The following AXL variants were observed in gnomAD, a reference collection of about 807,000 sequenced individuals.
The protein encoded by AXL is tyrosine-protein kinase receptor UFO.
Under a neutral mutation model 104.5 loss-of-function variants are expected in AXL, and 52 were observed. That is an observed-to-expected ratio of 0.50 (90% CI 0.40 to 0.63). The LOEUF is 0.63. AXL is among the 20% of genes least tolerant of loss of function. The probability of loss-of-function intolerance (pLI) is 0.00; values close to 1 mark genes in which losing one functional copy is unlikely to be tolerated. For missense variants in AXL, 1,024 were observed against 1,188.5 expected (o/e 0.86, Z 2.04); for synonymous variants, 455 against 473.7 (o/e 0.96, Z 0.51).
chr19:41,219,514 C>A lies in AXL; in HGVS notation c.85+37C>A, dbSNP rs373052453. ...GGGCTCCTTGGGGCAGGGATCCCCTCGGAGGGGCTGGGGCAGGGGTAGGAG... is the reference window on the plus strand; with the variant it reads ...GGGCTCCTTGGGGCAGGGATCCCCTAGGAGGGGCTGGGGCAGGGGTAGGAG... On this transcript the variant is annotated intron_variant, in intron 1 of 19. Coordinates refer to ENST00000301178, the MANE Select transcript of AXL (RefSeq NM_021913.5). 9.8e-5 allele frequency: 93 copies of A among 946,704 alleles called. 1 individual carries two copies. The highest frequency in any genetic ancestry group is 7.6e-4 in the Admixed American group (27 of 35,388). The allele number at this position is 946,704 out of a possible 1,614,324, so 58.6% of individuals were successfully genotyped here. A position where few individuals can be genotyped will look rare whatever the true frequency, so the allele number is the denominator to read the frequency against.
In AXL at chr19:41,220,812, CT is replaced by C; in HGVS notation, c.263del (p.Leu88ArgfsTer10). 5 of 1,614,090 alleles carry C rather than the reference CT, an allele frequency of 3.1e-6. No individual in the cohort carries two copies. The highest frequency in any genetic ancestry group is 4.2e-6 in the Non-Finnish European group (5 of 1,180,002). On this transcript the variant is annotated frameshift_variant, in exon 2 of 20. Coordinates refer to ENST00000301178, the MANE Select transcript of AXL (RefSeq NM_021913.5). LOFTEE classifies it high-confidence loss of function. ...GGACAGCACCCAGACCCAGGTGCCCCTGGGTGAGGATGAACAGGATGACTGG... is the reference window on the plus strand; with the variant it reads ...GGACAGCACCCAGACCCAGGTGCCCCGGGTGAGGATGAACAGGATGACTGG... ...LADSTQTQVPLGEDEQDDWIV... is the reference protein window; with the variant it reads ...LADSTQTQVPXGEDEQDDWIV...
intron 14 of AXL, among the ~76,000 whole-genome samples, chr19:41,251,204 G>A (rs1170668971): frequency 2.6e-5 from 4 of 152,254 alleles, no homozygotes; most frequent in South Asian, 2.1e-4. Context: ...TTGGGAGGCC[G>A]AGGTGGGAGG....
At position 41,259,993 on chromosome 19, in the gene AXL, G is replaced by A. The variant is rs1303180373; in HGVS notation, c.*89G>A. Reference sequence around the variant, plus strand: ...CCACCTTCCCACTTTCCCACCCCACGCCTTATCCCCACTTGCAGCCCTGTC... The same window carrying A: ...CCACCTTCCCACTTTCCCACCCCACACCTTATCCCCACTTGCAGCCCTGTC... On this transcript the variant is annotated 3_prime_UTR_variant, in exon 20 of 20. Transcript: ENST00000301178. The A allele has an allele frequency of 3.3e-6, 4 of 1,221,898 alleles. No individual in the cohort carries two copies. Among genetic ancestry groups the A allele is most frequent in the Admixed American group, 5.8e-5 (2 of 34,590 alleles). 75.7% of individuals were successfully genotyped at this position (1,221,898 alleles called of 1,614,324 possible).
chr19:41,220,933 C>A, intron 2 of AXL, 75 bp downstream of exon 2: 1 of 1,512,050 alleles, frequency 6.6e-7, no homozygotes. Context: ...GGGTGGGAAC[C>A]CCAGTTTGAC....
At chr19:41,219,515 G>A (rs1183013505) in intron 1 of AXL, 38 bp downstream of exon 1, 13 of 1,572,524 alleles carry the variant, frequency 8.3e-6, no homozygotes, top group African/African-American at 2.7e-5. Context: ...GGATCCCCTC[G>A]GAGGGGCTGG....
Position 41,238,120 on chromosome 19 carries a change from G to C in AXL, c.960G>C (p.Trp320Cys). The change falls in exon 7 of 20, where the codon TGG (tryptophan) becomes TGC (cysteine). Residue 320 changes from tryptophan to cysteine, a missense_variant. By Grantham distance (215) the Trp-to-Cys change is radical (BLOSUM62 -2). Coordinates refer to ENST00000301178, the MANE Select transcript of AXL (RefSeq NM_021913.5). Reference protein sequence around the residue: ...ACTSSQGPSSWTHWLPVETPE... With the variant: ...ACTSSQGPSSCTHWLPVETPE... ...CCAGCAGCCAGGGCCCCTCATCCTG[G>C]ACCCACTGGCTTCCTGTGGAGACGC... 6.2e-7 allele frequency: 1 copy of C among 1,614,050 alleles called. No individual in the cohort carries two copies.
At chr19:41,226,848 C>G (rs1202435598) in intron 4 of AXL, 1 of 961,574 alleles carries the variant, frequency 1.0e-6, no homozygotes, top group Non-Finnish European at 1.2e-6. Context: ...CGATCCAGCA[C>G]TTTGGGAGGC....
chr19:41,238,640 T>A, intron 8 of AXL, 31 bp downstream of exon 8: 1 of 1,585,056 alleles, frequency 6.3e-7, no homozygotes, highest in Non-Finnish European at 8.6e-7. Context: ...TGGAGTGGAG[T>A]GGCTTGGGGA....
intron 4 of AXL, among the ~76,000 whole-genome samples, chr19:41,222,325 T>C (rs1191286973): frequency 6.6e-6 from 1 of 152,172 alleles, no homozygotes; most frequent in Non-Finnish European, 1.5e-5. Context: ...TCTGTCTCTC[T>C]GCTTCTCTCT....
At chr19:41,230,715 G>A (rs2033971028) in intron 4 of AXL, among the ~76,000 whole-genome samples, 1 of 152,010 alleles carries the variant, frequency 6.6e-6, no homozygotes, top group Admixed American at 6.6e-5. Flanking sequence ...GTGTGTGTCT[G>A]TGTGTGTCTG....
intron 14 of AXL, among the ~76,000 whole-genome samples, chr19:41,249,287 T>A (rs918431539): frequency 2.7e-5 from 4 of 149,774 alleles, no homozygotes; most frequent in South Asian, 2.1e-4. Context: ...AAAAAAAAAA[T>A]AATAATAGTA....
intron 17 of AXL, 22 bp from the exon 18 acceptor site, chr19:41,256,430 T>C (rs1042693553): frequency 6.2e-7 from 1 of 1,605,686 alleles, no homozygotes; most frequent in Non-Finnish European, 8.5e-7. Context: ...CCTGACCCTG[T>C]TCCTTTCCCC....
intron 14 of AXL, among the ~76,000 whole-genome samples, chr19:41,249,635 A>G (rs995674896): frequency 4.6e-5 from 7 of 152,050 alleles, no homozygotes; most frequent in African/African-American, 1.7e-4. Context: ...AGGCACCTGT[A>G]ATCCCAGCTA....
intron 12 of AXL, among the ~76,000 whole-genome samples, chr19:41,246,188 C>A (rs200444590): frequency 1.4e-4 from 21 of 152,226 alleles, no homozygotes; most frequent in Non-Finnish European, 2.4e-4. Flanking sequence ...TGGCACATGC[C>A]TGTAATCCCA....
intron 7 of AXL, 46 bp from the exon 8 acceptor site, chr19:41,238,424 C>G: frequency 6.3e-7 from 1 of 1,591,160 alleles, no homozygotes; most frequent in Non-Finnish European, 8.6e-7. Flanking sequence ...GGGAGGGGGT[C>G]AGGAAGAGGT....
At chr19:41,255,976 C>G (rs1400516501) in intron 17 of AXL, among the ~76,000 whole-genome samples, 5 of 152,178 alleles carry the variant, frequency 3.3e-5, no homozygotes, top group Admixed American at 2.0e-4. Context: ...AACTCCTGAC[C>G]TCAAGTGATC....
chr19:41,259,543 G>T lies in AXL; in HGVS notation c.2334-10G>T. ...TGCTCAATCTCCCACCCCTCATTTT[G>T]CTGCCCTAGGTATGCCTTGATGTCG... On this transcript the variant is annotated splice_polypyrimidine_tract_variant and intron_variant, in intron 19 of 19. Coordinates refer to ENST00000301178, the MANE Select transcript of AXL (RefSeq NM_021913.5). 1 of 1,571,976 alleles carries T rather than the reference G, an allele frequency of 6.4e-7. No homozygotes were observed.
Position 41,242,773 on chromosome 19 carries a change from G to A in AXL, c.1313-110G>A. The A allele has an allele frequency of 2.1e-6, 3 of 1,398,522 alleles. No individual in the cohort carries two copies. In the South Asian group the frequency reaches 3.8e-5, roughly 18 times the overall value. 86.6% of individuals were successfully genotyped at this position (1,398,522 alleles called of 1,614,324 possible). On this transcript the variant is annotated intron_variant, in intron 10 of 19. Transcript: ENST00000301178. ...ATCCATCACACACCTCATCAAGTAT[G>A]TGCACATCTTTGCCGAGGCCTTCTG...
At chr19:41,238,713 G>T (rs1481909047) in intron 8 of AXL, 104 bp downstream of exon 8, 4 of 1,427,860 alleles carry the variant, frequency 2.8e-6, no homozygotes, top group Middle Eastern at 1.9e-4. Flanking sequence ...GTACACAATT[G>T]CTCTATGCCT....
Sources: gnomAD v4.1 joint callset for allele counts (sites outside exome capture counted in the v4.1 genomes callset) on GRCh38, gnomAD v4.1.1 for gene constraint, MANE v1.5 for transcripts, NCBI Gene and HGNC (gene_info 2026-07-23, HGNC 2026-07-21) for gene names.